Variants in DSE observed in about 807,000 individuals in gnomAD.
The protein encoded by DSE is dermatan sulfate epimerase.
DSE carries 36 observed loss-of-function variants against 84.4 expected under a neutral mutation model. The ratio of observed to expected loss-of-function variants is 0.43; its 90% CI spans 0.33 to 0.56. DSE has a LOEUF of 0.56. Among genes scored for constraint, DSE ranks in the 20% least tolerant of loss-of-function variants. DSE has a pLI of 0.06. For missense variants in DSE, 862 were observed against 1,169.6 expected (o/e 0.74, Z 3.84); for synonymous variants, 410 against 430.1 (o/e 0.95, Z 0.58).
At chr6:116,258,841 A>G in exon 2 of DSE, 1 of 1,608,376 alleles carries the variant, frequency 6.2e-7, no homozygotes, top group Non-Finnish European at 8.5e-7. Context: ...ATGCTTGACG[A>G]TGCACACAGT....
chr6:116,409,038 T>A (rs1198446476), intron 2 of DSE, among the ~76,000 whole-genome samples: 1 of 152,232 alleles, frequency 6.6e-6, no homozygotes, highest in African/African-American at 2.4e-5. Context: ...AGAATGTTAC[T>A]TGACTTCTCT....
At chr6:116,300,629 G>A (rs1390478876) in intron 2 of DSE, among the ~76,000 whole-genome samples, 1 of 152,174 alleles carries the variant, frequency 6.6e-6, no homozygotes, top group African/African-American at 2.4e-5. Flanking sequence ...GTCTAATGGG[G>A]ACATTTTTGG....
intron 2 of DSE, among the ~76,000 whole-genome samples, chr6:116,304,137 AG>A (rs1392643791): frequency 1.3e-5 from 2 of 150,842 alleles, no homozygotes; most frequent in Admixed American, 1.3e-4. Flanking sequence ...AAAAAAAAAA[AG>A]AAAGAAAAAA....
At chr6:116,397,919 T>G (rs765362215) in intron 1 of DSE, among the ~76,000 whole-genome samples, 1 of 152,228 alleles carries the variant, frequency 6.6e-6, no homozygotes, top group Non-Finnish European at 1.5e-5. Context: ...TGCCTTTTTC[T>G]TGGAAACACA....
chr6:116,346,214 T>G (rs1777956556), intron 2 of DSE, among the ~76,000 whole-genome samples: 1 of 152,226 alleles, frequency 6.6e-6, no homozygotes, highest in African/African-American at 2.4e-5. Flanking sequence ...GTACCATTCC[T>G]TCTGAAACTA....
intron 2 of DSE, among the ~76,000 whole-genome samples, chr6:116,312,335 C>T (rs1166486160): frequency 1.3e-5 from 2 of 152,222 alleles, no homozygotes; most frequent in Non-Finnish European, 2.9e-5. Context: ...AATTCAGACA[C>T]AAGCACTCAA....
intron 1 of DSE, among the ~76,000 whole-genome samples, chr6:116,377,155 A>G (rs1418124761): frequency 6.6e-6 from 1 of 152,232 alleles, no homozygotes; most frequent in Non-Finnish European, 1.5e-5. Flanking sequence ...GTAGAGTTTT[A>G]AAGTTGTGTT....
Position 116,426,685 on chromosome 6 carries a change from G to C in DSE, c.528G>C (p.Lys176Asn), listed in dbSNP as rs759693883. 3.1e-6 allele frequency: 5 copies of C among 1,614,064 alleles called. No individual in the cohort carries two copies. The African/African-American group carries it at 6.7e-5, about 22-fold the overall frequency. Residue 176 changes from lysine to asparagine, a missense_variant, in exon 3 of 6, where the codon AAG becomes AAC. By Grantham distance (94) the Lys-to-Asn change is moderately conservative. Coordinates refer to ENST00000644252, the MANE Select transcript of DSE (RefSeq NM_013352.4). ...ACCTGAGCAAGACACAACAGGAGAA[G>C]TTTCTTGAAGTGATTGCCAATGCCT... Reference protein sequence around the residue: ...YNYLSKTQQEKFLEVIANASG... With the variant: ...YNYLSKTQQENFLEVIANASG...
chr6:116,279,897 C>A (rs969254877), intron 2 of DSE: 6 of 1,606,188 alleles, frequency 3.7e-6, no homozygotes, highest in Non-Finnish European at 5.1e-6. Flanking sequence ...TGGGAGCTAA[C>A]CGCCGCTCGC....
intron 2 of DSE, among the ~76,000 whole-genome samples, chr6:116,420,789 A>G (rs1401052914): frequency 1.3e-4 from 20 of 152,222 alleles, no homozygotes; most frequent in Admixed American, 1.3e-3. Context: ...AAATAGAAGC[A>G]TTTAATCACT....
In DSE at chr6:116,435,670, C is replaced by T. The variant is rs1252851285; in HGVS notation, c.1202C>T (p.Thr401Ile). 2 of 1,614,148 alleles carry T rather than the reference C, an allele frequency of 1.2e-6. No individual in the cohort carries two copies. ...LHYFEDWGVVTYGSALPAEIN... is the reference protein window; with the variant it reads ...LHYFEDWGVVIYGSALPAEIN... ...TATTTTGAAGACTGGGGTGTCGTGA[C>T]TTATGGAAGTGCACTACCTGCAGAA... Residue 401 changes from threonine to isoleucine, a missense_variant, in exon 6 of 6, where the codon ACT (threonine) becomes ATT (isoleucine). This residue lies in a region of DSE where 309 missense variants were observed against 516.9 expected (regional missense o/e 0.60). Transcript: ENST00000644252.
At chr6:116,429,714 C>A (rs1583225164) in intron 3 of DSE, among the ~76,000 whole-genome samples, 2 of 14,232 alleles carry the variant, frequency 1.4e-4, no homozygotes, top group Non-Finnish European at 3.0e-4. Flanking sequence ...TTTGGGAGGC[C>A]GAGGCGGGCG....
chr6:116,361,001 C>A (rs746002897), intron 2 of DSE, among the ~76,000 whole-genome samples: 2 of 152,058 alleles, frequency 1.3e-5, no homozygotes, highest in Admixed American at 6.6e-5. Context: ...TAATTTTTAT[C>A]ATAGAGCCAT....
chr6:116,413,823 C>G (rs190832022), intron 2 of DSE, among the ~76,000 whole-genome samples: 1 of 152,332 alleles, frequency 6.6e-6, no homozygotes, highest in Admixed American at 6.5e-5. Context: ...GCCTACCTCA[C>G]TTTGGATTTG....
chr6:116,436,849 T>C lies in DSE; in HGVS notation c.2381T>C (p.Phe794Ser), dbSNP rs1222254791. 1 of 1,614,118 alleles carries C rather than the reference T, an allele frequency of 6.2e-7. No individual in the cohort carries two copies. ...RQTEEAIDRI[F>S]AISQQQQQQS... ...ACTGAGGAGGCCATTGACAGGATTT[T>C]TGCCATATCACAGCAACAGCAGCAG... The change falls in exon 6 of 6, where the codon TTT (phenylalanine) becomes TCT (serine). Residue 794 changes from phenylalanine (F) to serine (S), a missense_variant. Coordinates refer to ENST00000644252, the MANE Select transcript of DSE (RefSeq NM_013352.4).
chr6:116,263,446 C>A (rs921502058), intron 2 of DSE, among the ~76,000 whole-genome samples: 10 of 151,552 alleles, frequency 6.6e-5, no homozygotes, highest in African/African-American at 2.4e-4. Flanking sequence ...TTCTGTTTTC[C>A]ATTTGCTTGG....
intron 1 of DSE, among the ~76,000 whole-genome samples, chr6:116,395,430 T>A (rs500348): frequency 0.52 from 79,223 of 151,500 alleles, 21,492 homozygotes; most frequent in African/African-American, 0.64. Flanking sequence ...GTCTAAAAAA[T>A]AAAGAAAGTG....
At chr6:116,364,527 G>T (rs1779060980) in intron 2 of DSE, among the ~76,000 whole-genome samples, 1 of 152,242 alleles carries the variant, frequency 6.6e-6, no homozygotes, top group Admixed American at 6.5e-5. Context: ...GAATGGCCTG[G>T]CTGTTAAATG....
At chr6:116,313,377 C>A (rs1369103953) in intron 2 of DSE, among the ~76,000 whole-genome samples, 1 of 152,188 alleles carries the variant, frequency 6.6e-6, no homozygotes, top group Non-Finnish European at 1.5e-5. Context: ...TACAGAAACT[C>A]TGCTTTTACA....
Sources: allele counts gnomAD v4.1 joint callset (sites outside exome capture counted in the v4.1 genomes callset), GRCh38; gene constraint gnomAD v4.1.1; regional missense constraint gnomAD v4.1.1; transcripts MANE v1.5; gene names NCBI Gene and HGNC (gene_info 2026-07-23, HGNC 2026-07-21).